The following TRAK1 variants were observed in gnomAD, a reference collection of about 807,000 sequenced individuals.
TRAK1 encodes trafficking kinesin protein 1.
TRAK1 carries 33 observed loss-of-function variants against 92.1 expected under a neutral mutation model. The observed-to-expected ratio is 0.36, with a 90% confidence interval of 0.27 to 0.48. The LOEUF is 0.48. Ranked by LOEUF, TRAK1 falls within the 20% of genes least tolerant of loss-of-function variation. The pLI is 0.99. For synonymous variants in TRAK1, 521 were observed against 517.3 expected, an observed-to-expected ratio of 1.01 and a Z score of -0.10; for missense variants, 1,123 against 1,257.9, an observed-to-expected ratio of 0.89 and a Z score of 1.62.
At chr3:42,173,483 C>T (rs1702813664) in intron 2 of TRAK1, among the ~76,000 whole-genome samples, 1 of 152,190 alleles carries the variant, frequency 6.6e-6, no homozygotes, top group Non-Finnish European at 1.5e-5. Flanking sequence ...TAGTTGGTGG[C>T]TGCTCAGAGC....
intron 10 of TRAK1, 86 bp from the exon 11 acceptor site, chr3:42,199,091 A>G (rs943667783): frequency 6.9e-6 from 10 of 1,448,670 alleles, no homozygotes; most frequent in Non-Finnish European, 7.7e-6. Flanking sequence ...TTTACTCTCC[A>G]TGGCCCACCT....
intron 2 of TRAK1, among the ~76,000 whole-genome samples, chr3:42,135,542 C>T (rs1236156412): frequency 6.6e-6 from 1 of 152,010 alleles, no homozygotes; most frequent in African/African-American, 2.4e-5. Context: ...TCCTTGGCCA[C>T]CAAACGAGAC....
chr3:42,096,720 A>G (rs1401668349), intron 1 of TRAK1, among the ~76,000 whole-genome samples: 1 of 152,232 alleles, frequency 6.6e-6, no homozygotes, highest in Non-Finnish European at 1.5e-5. Context: ...ATTGCTGTGA[A>G]GGGGGCAGCC....
rs568644455 is a variant in TRAK1 at position 42,111,277 on chromosome 3, T to C, written c.92-14143T>C. 4.6e-5 allele frequency among the ~76,000 whole-genome samples: 7 copies of C among 152,298 alleles called. No individual in the cohort carries two copies. The South Asian group carries it at 1.2e-3, about 27-fold the overall frequency. ...TCCTGGACACAGGTAGAACCAACTT[T>C]GGGAGGAACTCATAGTTTAGCTTTG... On this transcript the variant is annotated intron_variant, in intron 1 of 15. Coordinates refer to ENST00000327628, the MANE Select transcript of TRAK1 (RefSeq NM_001042646.3).
chr3:42,073,130 CAG>C (rs1408103084), intron 1 of TRAK1, among the ~76,000 whole-genome samples: 8 of 152,230 alleles, frequency 5.3e-5, no homozygotes, highest in African/African-American at 1.2e-4. Flanking sequence ...GAATCTGTAA[CAG>C]GGGCTGCCTG....
chr3:42,093,968 T>C (rs1011209830), intron 1 of TRAK1, among the ~76,000 whole-genome samples: 1 of 151,642 alleles, frequency 6.6e-6, no homozygotes, highest in South Asian at 2.1e-4. Flanking sequence ...CCTCCCAGAG[T>C]ACTAGGATTA....
chr3:42,071,377 G>T (rs1703924716), intron 1 of TRAK1, among the ~76,000 whole-genome samples: 1 of 152,128 alleles, frequency 6.6e-6, no homozygotes, highest in South Asian at 2.1e-4. Flanking sequence ...CCTGTTCACT[G>T]GGAGGCATGA....
chr3:42,130,715 A>AG (rs982857113), intron 2 of TRAK1, among the ~76,000 whole-genome samples: 21 of 152,104 alleles, frequency 1.4e-4, no homozygotes, highest in Admixed American at 1.2e-3. Flanking sequence ...GGGAGGAGGG[A>AG]GGGGGGTCTG....
chr3:42,179,130 A>G (rs899611374), intron 3 of TRAK1, among the ~76,000 whole-genome samples: 1 of 152,200 alleles, frequency 6.6e-6, no homozygotes, highest in African/African-American at 2.4e-5. Flanking sequence ...TTTTATTTTT[A>G]AAGGGTCTTC....
intron 1 of TRAK1, among the ~76,000 whole-genome samples, chr3:42,119,389 G>A (rs1423242226): frequency 2.6e-5 from 4 of 152,178 alleles, no homozygotes; most frequent in African/African-American, 9.7e-5. Flanking sequence ...TTGGAAAATG[G>A]TGAGAAGTTG....
chr3:42,191,577 A>T lies in TRAK1; in HGVS notation c.710A>T (p.Glu237Val), dbSNP rs1160298142. 1 of 1,600,688 alleles carries T rather than the reference A, an allele frequency of 6.2e-7. No homozygotes were observed. Among genetic ancestry groups the T allele is most frequent in the Non-Finnish European group, 8.5e-7 (1 of 1,173,594 alleles). The change falls in exon 7 of 16, where the codon GAG becomes GTG. Residue 237 changes from glutamate (E) to valine (V), a missense_variant. Physicochemically the swap from Glu to Val is moderately radical, Grantham distance 121 (BLOSUM62 -2). Transcript: ENST00000327628. ...LRSEASQLKT[E>V]TITYEEKEQQ... ...CTACAGGCCAGCCAGCTGAAGACAGAGACCATCACCTATGAGGAGAAGGAG... is the reference window on the plus strand; with the variant it reads ...CTACAGGCCAGCCAGCTGAAGACAGTGACCATCACCTATGAGGAGAAGGAG...
At chr3:42,203,214 C>G (rs1707897560) in intron 13 of TRAK1, 1 of 1,092,598 alleles carries the variant, frequency 9.2e-7, no homozygotes, top group African/African-American at 1.6e-5. Flanking sequence ...TTTTTTTCCC[C>G]ATAACCACCT....
At chr3:42,061,194 A>T (rs1253456271) in intron 1 of TRAK1, among the ~76,000 whole-genome samples, 2 of 152,022 alleles carry the variant, frequency 1.3e-5, no homozygotes, top group African/African-American at 4.8e-5. Context: ...GCTTCCTCTA[A>T]TGTTAACATC....
intron 1 of TRAK1, among the ~76,000 whole-genome samples, chr3:42,120,051 T>C (rs980667517): frequency 6.6e-6 from 1 of 151,868 alleles, no homozygotes; most frequent in Non-Finnish European, 1.5e-5. Flanking sequence ...AAACAAAAAA[T>C]AAAAAAATAA....
chr3:42,083,328 C>T (rs1704522067), upstream of TRAK1, among the ~76,000 whole-genome samples: 1 of 152,080 alleles, frequency 6.6e-6, no homozygotes, highest in Non-Finnish European at 1.5e-5. Flanking sequence ...GAATGAAGTG[C>T]ATTATTTACA....
intron 1 of TRAK1, among the ~76,000 whole-genome samples, chr3:42,019,191 A>C (rs551666051): frequency 2.5e-4 from 38 of 152,328 alleles, no homozygotes; most frequent in African/African-American, 8.7e-4. Flanking sequence ...GTCTCTCTCC[A>C]GGATTACAGA....
At chr3:42,073,265 C>T (rs1704011534) in intron 1 of TRAK1, among the ~76,000 whole-genome samples, 1 of 152,176 alleles carries the variant, frequency 6.6e-6, no homozygotes, top group Non-Finnish European at 1.5e-5. Flanking sequence ...CCTTTGGTTA[C>T]CCTGACACTG....
upstream of TRAK1, among the ~76,000 whole-genome samples, chr3:42,083,310 A>T (rs983563116): frequency 1.3e-5 from 2 of 152,060 alleles, no homozygotes; most frequent in Admixed American, 1.3e-4. Context: ...TATCTGCTTT[A>T]GGTCTGTGAA....
At chr3:42,197,802 C>T (rs1184869848) in intron 10 of TRAK1, among the ~76,000 whole-genome samples, 3 of 152,230 alleles carry the variant, frequency 2.0e-5, no homozygotes, top group Non-Finnish European at 4.4e-5. Context: ...CCGCTTGGTT[C>T]CAGCCTCCAG....
Sources: gnomAD v4.1 joint callset for allele counts (sites outside exome capture counted in the v4.1 genomes callset) on GRCh38, gnomAD v4.1.1 for gene constraint, MANE v1.5 for transcripts, NCBI Gene and HGNC (gene_info 2026-07-23, HGNC 2026-07-21) for gene names.